The following CADM2 variants were observed in gnomAD, a reference collection of about 807,000 sequenced individuals.
The protein encoded by CADM2 is immunoglobulin superfamily member 4D.
In CADM2, 12 loss-of-function variants were observed where a neutral mutation model predicts 49.8. That is an observed-to-expected ratio of 0.24 (90% CI 0.15 to 0.39). The LOEUF (loss-of-function observed/expected upper bound fraction) is 0.39, where lower values mean the gene tolerates loss of function less well. Among genes scored for constraint, CADM2 ranks in the 10% least tolerant of loss-of-function variants. The pLI is 1.00. For synonymous variants in CADM2, 214 were observed against 175.4 expected, an observed-to-expected ratio of 1.22 and a Z score of -1.74; for missense variants, 378 against 492.3, an observed-to-expected ratio of 0.77 and a Z score of 2.20.
In CADM2 at chr3:85,912,597, G is replaced by A. The variant is rs1717764319; in HGVS notation, c.700+54G>A. ...ATCTCAGCAGCAAATCTCTTCATCT[G>A]CATCTAAAATCATTTCAAAACTACC... On this transcript the variant is annotated intron_variant, in intron 6 of 9. Coordinates refer to ENST00000383699, the MANE Select transcript of CADM2 (RefSeq NM_001167675.2). 4 of 1,523,200 alleles carry A rather than the reference G, an allele frequency of 2.6e-6. No homozygotes were observed. In the Admixed American group the frequency reaches 5.6e-5, roughly 22 times the overall value. 94.4% of individuals were successfully genotyped at this position (1,523,200 alleles called of 1,614,324 possible).
chr3:85,111,933 A>T (rs1559668958), intron 1 of CADM2, among the ~76,000 whole-genome samples: 1 of 151,860 alleles, frequency 6.6e-6, no homozygotes, highest in African/African-American at 2.4e-5. Flanking sequence ...TGTACTCCAA[A>T]TGGTGACTGA....
At chr3:85,918,412 C>A (rs1175682466) in intron 6 of CADM2, among the ~76,000 whole-genome samples, 1 of 152,076 alleles carries the variant, frequency 6.6e-6, no homozygotes, top group Non-Finnish European at 1.5e-5. Flanking sequence ...TTGAGATAAT[C>A]ATGTGGTTTT....
intron 1 of CADM2, among the ~76,000 whole-genome samples, chr3:85,385,090 C>A (rs530047770): frequency 6.6e-6 from 1 of 152,106 alleles, no homozygotes; most frequent in African/African-American, 2.4e-5. Flanking sequence ...TGCGCTCCAG[C>A]ACACCTGCTA....
At chr3:85,925,873 C>A (rs1318978423) in intron 6 of CADM2, among the ~76,000 whole-genome samples, 4 of 152,144 alleles carry the variant, frequency 2.6e-5, no homozygotes, top group Admixed American at 6.6e-5. Flanking sequence ...CACAGTGGCT[C>A]ACGCCTGTAA....
chr3:85,791,133 A>C (rs2071298467), intron 2 of CADM2, among the ~76,000 whole-genome samples: 1 of 152,236 alleles, frequency 6.6e-6, no homozygotes, highest in Non-Finnish European at 1.5e-5. Context: ...GGGCATTCCA[A>C]AAGTGGAAAC....
chr3:85,298,262 A>G (rs1022298423), intron 1 of CADM2, among the ~76,000 whole-genome samples: 19 of 152,036 alleles, frequency 1.2e-4, no homozygotes, highest in African/African-American at 4.6e-4. Context: ...GAACACAGAG[A>G]GAGCTGTCAG....
intron 1 of CADM2, among the ~76,000 whole-genome samples, chr3:84,961,587 G>C (rs953029426): frequency 3.3e-5 from 5 of 152,040 alleles, no homozygotes; most frequent in Non-Finnish European, 5.9e-5. Flanking sequence ...TCACCTCTCA[G>C]TAACTTGCAT....
intron 8 of CADM2, among the ~76,000 whole-genome samples, chr3:86,028,421 A>G (rs113957758): frequency 9.2e-5 from 14 of 152,166 alleles, no homozygotes; most frequent in African/African-American, 3.4e-4. Context: ...AACAGTTGCT[A>G]TAAAATAGTG....
intron 2 of CADM2, among the ~76,000 whole-genome samples, chr3:85,801,477 A>G (rs1231485202): frequency 6.6e-6 from 1 of 152,132 alleles, no homozygotes; most frequent in East Asian, 1.9e-4. Context: ...GAGTACTCCC[A>G]CTGTTTTACA....
intron 3 of CADM2, among the ~76,000 whole-genome samples, chr3:85,855,523 T>G (rs1553698084): frequency 6.7e-6 from 1 of 149,562 alleles, no homozygotes; most frequent in Non-Finnish European, 1.5e-5. Flanking sequence ...TATTATTTAT[T>G]TCAGTAAAAA....
At chr3:85,012,726 A>G (rs892818890) in intron 1 of CADM2, among the ~76,000 whole-genome samples, 6 of 151,126 alleles carry the variant, frequency 4.0e-5, no homozygotes, top group African/African-American at 1.5e-4. Flanking sequence ...AAATAACAAT[A>G]TTATATATAA....
chr3:85,474,830 G>T (rs1227348215), intron 1 of CADM2, among the ~76,000 whole-genome samples: 4 of 151,778 alleles, frequency 2.6e-5, no homozygotes, highest in Non-Finnish European at 5.9e-5. Context: ...ATTGTAAAAT[G>T]ACAGAGCTTA....
At chr3:85,150,883 C>T (rs952017567) in intron 1 of CADM2, among the ~76,000 whole-genome samples, 9 of 150,792 alleles carry the variant, frequency 6.0e-5, no homozygotes, top group East Asian at 5.8e-4. Context: ...CACTCCAGCC[C>T]GGGCGACAAT....
At chr3:85,475,955 A>G (rs1264352752) in intron 1 of CADM2, among the ~76,000 whole-genome samples, 2 of 151,952 alleles carry the variant, frequency 1.3e-5, no homozygotes, top group Non-Finnish European at 2.9e-5. Context: ...ATTGCACACA[A>G]GTACTTAAAA....
chr3:86,024,196 C>T (rs570765289), intron 8 of CADM2, among the ~76,000 whole-genome samples: 1 of 152,296 alleles, frequency 6.6e-6, no homozygotes, highest in East Asian at 1.9e-4. Flanking sequence ...TTTGACCCCA[C>T]CATAGTAGGC....
intron 1 of CADM2, among the ~76,000 whole-genome samples, chr3:85,116,017 A>G (rs1302712316): frequency 1.3e-5 from 2 of 152,298 alleles, no homozygotes; most frequent in Middle Eastern, 3.4e-3. Flanking sequence ...TTGAAAAACC[A>G]TTGACTTTGT....
At chr3:85,383,965 A>G (rs1218138303) in intron 1 of CADM2, among the ~76,000 whole-genome samples, 1 of 152,192 alleles carries the variant, frequency 6.6e-6, no homozygotes, top group Non-Finnish European at 1.5e-5. Flanking sequence ...AGACTAATAA[A>G]TATCTCATGA....
At chr3:85,657,741 CAG>C (rs1338642361) in intron 1 of CADM2, among the ~76,000 whole-genome samples, 2 of 66,812 alleles carry the variant, frequency 3.0e-5, no homozygotes, top group African/African-American at 7.5e-5. Flanking sequence ...TATATATATA[CAG>C]ATATATATAT....
chr3:85,533,071 T>G (rs1219354152), intron 1 of CADM2, among the ~76,000 whole-genome samples: 2 of 152,110 alleles, frequency 1.3e-5, no homozygotes, highest in Non-Finnish European at 2.9e-5. Context: ...AATACTTGGG[T>G]GTTTAAACAG....
Sources: allele counts gnomAD v4.1 joint callset (sites outside exome capture counted in the v4.1 genomes callset), GRCh38; gene constraint gnomAD v4.1.1; transcripts MANE v1.5; gene names NCBI Gene and HGNC (gene_info 2026-07-23, HGNC 2026-07-21).